PIP: variants seen among roughly 807,000 people sequenced by gnomAD.
PIP encodes prolactin induced protein.
Under a neutral mutation model 12.8 loss-of-function variants are expected in PIP, and 9 were observed. The observed-to-expected ratio is 0.70, with a 90% CI of 0.42 to 1.23. PIP has a LOEUF of 1.23. Among genes scored for constraint, PIP ranks in the 50% most tolerant of loss-of-function variants. PIP has a pLI of 0.00. For synonymous variants in PIP, 60 were observed against 66.1 expected, an observed-to-expected ratio of 0.91 and a Z score of 0.45; for missense variants, 172 against 179.5, an observed-to-expected ratio of 0.96 and a Z score of 0.24.
chr7:143,139,608 G>A lies in PIP; in HGVS notation c.407G>A (p.Arg136Gln), dbSNP rs772457310. 18 of 1,612,338 alleles carry A rather than the reference G, an allele frequency of 1.1e-5. No individual in the cohort carries two copies. Among genetic ancestry groups the A allele is most frequent in the East Asian group, 1.1e-4 (5 of 44,902 alleles). ...DAAVIPIKNN[R>Q]FYTIEILKVE Reference sequence around the variant, plus strand: ...GCTGTAATCCCCATCAAAAACAACCGGTTTTATACTATTGAAATCCTAAAG... The same window carrying A: ...GCTGTAATCCCCATCAAAAACAACCAGTTTTATACTATTGAAATCCTAAAG... The change falls in exon 4 of 4, where the codon CGG becomes CAG. Residue 136 changes from arginine (R) to glutamine (Q), a missense_variant. Transcript: ENST00000291009.
chr7:143,133,203 C>A (rs1646432431), intron 1 of PIP, among the ~76,000 whole-genome samples: 1 of 151,982 alleles, frequency 6.6e-6, no homozygotes, highest in Non-Finnish European at 1.5e-5. Flanking sequence ...TGTAGCACTG[C>A]AACTCTGCCC....
intron 1 of PIP, among the ~76,000 whole-genome samples, chr7:143,134,474 G>A (rs544894285): frequency 1.2e-4 from 18 of 151,510 alleles, no homozygotes; most frequent in East Asian, 7.8e-4. Context: ...TTACATTCCC[G>A]TCAGCAGTAT....
intron 3 of PIP, 99 bp from the exon 4 acceptor site, chr7:143,139,419 G>A (rs1799345271): frequency 6.8e-7 from 1 of 1,471,322 alleles, no homozygotes; most frequent in Non-Finnish European, 9.3e-7. Context: ...AAAGGATTTG[G>A]GGAAACTGAA....
At chr7:143,136,767 G>C (rs1437619434) in intron 2 of PIP, among the ~76,000 whole-genome samples, 1 of 151,944 alleles carries the variant, frequency 6.6e-6, no homozygotes, top group Non-Finnish European at 1.5e-5. Context: ...ATAAAAGTAT[G>C]CTTTTAAGAA....
chr7:143,135,863 C>G (rs1799304564), intron 2 of PIP, among the ~76,000 whole-genome samples: 1 of 152,062 alleles, frequency 6.6e-6, no homozygotes, highest in South Asian at 2.1e-4. Flanking sequence ...TCCTTTTCCC[C>G]ACGTTCAGAA....
intron 1 of PIP, 45 bp from the exon 2 acceptor site, chr7:143,135,149 T>G (rs752334435): frequency 9.9e-7 from 1 of 1,014,038 alleles, no homozygotes; most frequent in South Asian, 1.3e-5. Flanking sequence ...CACTCAAAGA[T>G]TGGTCTCTGA....
At chr7:143,132,501 T>G (rs897018797) in intron 1 of PIP, among the ~76,000 whole-genome samples, 1 of 152,142 alleles carries the variant, frequency 6.6e-6, no homozygotes, top group African/African-American at 2.4e-5. Flanking sequence ...CTGATCCACA[T>G]CTTGTTCATA....
chr7:143,134,183 CATATATAT>C (rs60656573), intron 1 of PIP, among the ~76,000 whole-genome samples: 3,237 of 41,232 alleles, frequency 0.079, 156 homozygotes, highest in Non-Finnish European at 0.098. Flanking sequence ...AGTATTCCAT[CATATATAT>C]ATATATATAT....
chr7:143,139,730 C>T lies in PIP; in HGVS notation c.*88C>T. The T allele has an allele frequency of 2.4e-6, 3 of 1,270,250 alleles. No homozygotes were observed. The highest frequency in any genetic ancestry group is 2.7e-5 in the South Asian group (2 of 74,906). 78.7% of individuals were successfully genotyped at this position (1,270,250 alleles called of 1,614,324 possible). ...CTGCTGTGGTCTATAAAATAAACTT[C>T]TTAACATGCTTCTCCATGTTCTGTT... is the stretch of plus-strand genomic sequence containing the variant. On this transcript the variant is annotated 3_prime_UTR_variant, in exon 4 of 4. Transcript: ENST00000291009.
chr7:143,138,903 T>C (rs1799336433), intron 2 of PIP, among the ~76,000 whole-genome samples, 172 bp from the exon 3 acceptor site: 1 of 151,864 alleles, frequency 6.6e-6, no homozygotes, highest in African/African-American at 2.4e-5. Context: ...GGGAAAACCT[T>C]CTGACCTAGA....
chr7:143,137,273 G>A (rs550398096), intron 2 of PIP, among the ~76,000 whole-genome samples: 3 of 152,170 alleles, frequency 2.0e-5, no homozygotes, highest in African/African-American at 7.2e-5. Context: ...AATGTATAAA[G>A]TGCATTGGAT....
chr7:143,136,745 C>T (rs2116570388), intron 2 of PIP, among the ~76,000 whole-genome samples: 1 of 151,982 alleles, frequency 6.6e-6, no homozygotes, highest in South Asian at 2.1e-4. Context: ...TAATTTTGTG[C>T]TTTTGTGATT....
chr7:143,136,072 T>C (rs182764814), intron 2 of PIP, among the ~76,000 whole-genome samples: 91 of 152,142 alleles, frequency 6.0e-4, no homozygotes, highest in African/African-American at 2.1e-3. Context: ...TAGAGCATTA[T>C]CCCTCCTGTC....
chr7:143,132,377 G>A (rs989666693), intron 1 of PIP, among the ~76,000 whole-genome samples, 166 bp downstream of exon 1: 4 of 152,006 alleles, frequency 2.6e-5, no homozygotes, highest in African/African-American at 9.7e-5. Context: ...GTCCTCTTAG[G>A]AAGCCCCACC....
intron 2 of PIP, among the ~76,000 whole-genome samples, chr7:143,137,842 G>A (rs892257896): frequency 6.6e-6 from 1 of 151,716 alleles, no homozygotes; most frequent in African/African-American, 2.4e-5. Flanking sequence ...GGAGGTTGCA[G>A]TGAGCCACGT....
intron 2 of PIP, among the ~76,000 whole-genome samples, chr7:143,137,877 G>A (rs1799326358): frequency 6.6e-6 from 1 of 151,138 alleles, no homozygotes; most frequent in African/African-American, 2.4e-5. Flanking sequence ...TCCAGCCTGG[G>A]CAACAGAGTG....
chr7:143,139,247 C>T (rs912050130), intron 3 of PIP, 58 bp downstream of exon 3: 3 of 1,014,828 alleles, frequency 3.0e-6, no homozygotes, highest in African/African-American at 3.2e-5. Flanking sequence ...GGAGGAGAAA[C>T]TATAAACAGA....
intron 2 of PIP, among the ~76,000 whole-genome samples, chr7:143,135,618 C>A (rs1325244420): frequency 6.6e-6 from 1 of 151,986 alleles, no homozygotes; most frequent in Non-Finnish European, 1.5e-5. Context: ...AGGTCCTGAG[C>A]ATGTTTAGTT....
chr7:143,135,234 GT>G lies in PIP; in HGVS notation c.137del (p.Val46AspfsTer17). The G allele has an allele frequency of 6.2e-7, 1 of 1,600,982 alleles. No individual in the cohort carries two copies. Among genetic ancestry groups the G allele is most frequent in the Non-Finnish European group, 8.6e-7 (1 of 1,168,208 alleles). ...AAAGAATTTTGACATTCCCAAGTCA[GT>G]ACGTCCAAATGACGAAGTCACTGCA... ...IIKNFDIPKS[V>X]RPNDEVTAVL... On this transcript the variant is annotated frameshift_variant, in exon 2 of 4. Coordinates refer to ENST00000291009, the MANE Select transcript of PIP (RefSeq NM_002652.3). LOFTEE classifies it high-confidence loss of function.
Sources: gnomAD v4.1 joint callset for allele counts (sites outside exome capture counted in the v4.1 genomes callset) on GRCh38, gnomAD v4.1.1 for gene constraint, MANE v1.5 for transcripts, NCBI Gene and HGNC (gene_info 2026-07-23, HGNC 2026-07-21) for gene names.